The following MACF1 variants were observed in gnomAD, a reference collection of about 807,000 sequenced individuals.
The protein encoded by MACF1 is microtubule-actin cross-linking factor 1.
MACF1 carries 193 observed loss-of-function variants against 854.8 expected under a neutral mutation model. The observed-to-expected ratio is 0.23, with a 90% CI of 0.20 to 0.25. MACF1 has a LOEUF of 0.25. Ranked by LOEUF, MACF1 falls within the 10% of genes least tolerant of loss-of-function variation. The probability of loss-of-function intolerance (pLI) is 1.00; values close to 1 mark genes in which losing one functional copy is unlikely to be tolerated. For synonymous variants in MACF1, 3,185 were observed against 3,226.7 expected, an observed-to-expected ratio of 0.99 and a Z score of 0.44; for missense variants, 7,722 against 8,929.1, an observed-to-expected ratio of 0.86 and a Z score of 5.45.
At chr1:39,089,204 T>A (rs1641746298) in intron 2 of MACF1, among the ~76,000 whole-genome samples, 1 of 152,222 alleles carries the variant, frequency 6.6e-6, no homozygotes, top group Admixed American at 6.5e-5. Flanking sequence ...TCTCTATTTT[T>A]TTTTTAAGTA....
At chr1:39,319,532 T>G in intron 30 of MACF1, 132 bp from the exon 31 acceptor site, 1 of 595,910 alleles carries the variant, frequency 1.7e-6, no homozygotes, top group South Asian at 2.3e-5. Context: ...CAGCAGTATG[T>G]GTTTTAACCA....
chr1:39,325,314 A>G (rs767026648), intron 35 of MACF1, among the ~76,000 whole-genome samples: 6 of 152,192 alleles, frequency 3.9e-5, no homozygotes, highest in Non-Finnish European at 7.3e-5. Flanking sequence ...AAGTCAAGAA[A>G]AGTTGAGAAA....
At chr1:39,379,713 A>G (rs979120625) in intron 54 of MACF1, among the ~76,000 whole-genome samples, 2 of 152,246 alleles carry the variant, frequency 1.3e-5, no homozygotes, top group African/African-American at 4.8e-5. Context: ...TCGTTAGCTC[A>G]TTGAGAATGG....
intron 2 of MACF1, among the ~76,000 whole-genome samples, chr1:39,197,865 G>A (rs377262925): frequency 1.3e-5 from 2 of 152,098 alleles, no homozygotes; most frequent in South Asian, 2.1e-4. Flanking sequence ...TGGCCTGGGC[G>A]ACAGAGCGAG....
At chr1:39,240,417 C>T (rs969479718) in intron 2 of MACF1, among the ~76,000 whole-genome samples, 5 of 152,088 alleles carry the variant, frequency 3.3e-5, no homozygotes, top group Non-Finnish European at 7.4e-5. Context: ...TACATATGGG[C>T]CTATATTTGG....
chr1:39,403,076 T>C (rs1162530829), intron 58 of MACF1, among the ~76,000 whole-genome samples: 1 of 134,348 alleles, frequency 7.4e-6, no homozygotes, highest in Non-Finnish European at 1.6e-5. Flanking sequence ...TTTTTTTGTT[T>C]GGTTGTTTTG....
rs190007030 is a variant in MACF1, at chr1:39,127,340, C to T, written c.220+42902C>T. Among the ~76,000 whole-genome samples the T allele has an allele frequency of 4.6e-5, 7 of 152,274 alleles. No individual in the cohort carries two copies. In the East Asian group the frequency reaches 1.3e-3, roughly 29 times the overall value. On this transcript the variant is annotated intron_variant, in intron 2 of 93. Coordinates refer to the MACF1 transcript ENST00000361689. ...GCGTTGGTGGGAGTTCCTTCGTTTT[C>T]TGGGCTGAATGATTTAATAATAATA... is the stretch of plus-strand genomic sequence containing the variant.
chr1:39,284,108 T>G lies in MACF1; in HGVS notation c.958T>G (p.Ser320Ala). The G allele has an allele frequency of 6.2e-7, 1 of 1,614,038 alleles. No individual in the cohort carries two copies. Among genetic ancestry groups the G allele is most frequent in the Non-Finnish European group, 8.5e-7 (1 of 1,179,934 alleles). The part of the protein sequence containing the change: ...RWQEYQSRVD[S>A]LIPWIKQHTI... Reference sequence around the variant, plus strand: ...GCAAGAATACCAAAGCCGAGTGGACTCCCTCATTCCCTGGATCAAACAGCA... The same window carrying G: ...GCAAGAATACCAAAGCCGAGTGGACGCCCTCATTCCCTGGATCAAACAGCA... The change falls in exon 10 of 101, where the codon TCC (serine) becomes GCC (alanine). Residue 320 changes from serine to alanine, a missense_variant. This residue lies in a region of MACF1 where 97 missense variants were observed against 130.4 expected (regional missense o/e 0.74). Transcript: ENST00000564288.
At chr1:39,135,399 A>T (rs562193308) in intron 2 of MACF1, among the ~76,000 whole-genome samples, 1 of 152,194 alleles carries the variant, frequency 6.6e-6, no homozygotes, top group South Asian at 2.1e-4. Context: ...GGTGCATGCT[A>T]CCATGCCTGA....
At position 39,105,352 on chromosome 1, in the gene MACF1, G is replaced by T; in HGVS notation, c.220+20914G>T. On this transcript the variant is annotated intron_variant, in intron 2 of 93. Transcript: ENST00000361689. The surrounding 1 kb of genome is among the most constrained non-coding windows in gnomAD (Gnocchi z 5.9). The stretch of plus-strand genomic sequence containing the variant: ...CGCCGCCGCCCGCCGCTGCAGCCGC[G>T]CCGGGGCGGGCTGAGGGAGGAGCGG... 3.1e-6 allele frequency: 3 copies of T among 963,790 alleles called. No homozygotes were observed. The highest frequency in any genetic ancestry group is 3.7e-6 in the Non-Finnish European group (3 of 810,846). The allele number at this position is 963,790 out of a possible 1,614,324, so 59.7% of individuals were successfully genotyped here. A position where few individuals can be genotyped will look rare whatever the true frequency, so the allele number is the denominator to read the frequency against.
At chr1:39,123,984 G>T (rs148865984) in intron 2 of MACF1, among the ~76,000 whole-genome samples, 2 of 151,400 alleles carry the variant, frequency 1.3e-5, no homozygotes, top group African/African-American at 4.8e-5. Context: ...CTCATGATCC[G>T]CCTGCCTTGG....
At chr1:39,089,131 C>T (rs560735606) in intron 2 of MACF1, among the ~76,000 whole-genome samples, 8 of 152,130 alleles carry the variant, frequency 5.3e-5, no homozygotes, top group East Asian at 1.9e-4. Flanking sequence ...CTCAGCATTT[C>T]GGGAGGCCGA....
chr1:39,465,239 C>A, intron 95 of MACF1, 127 bp downstream of exon 95: 2 of 903,200 alleles, frequency 2.2e-6, no homozygotes, highest in Non-Finnish European at 3.7e-6. Context: ...GTTGTCTTAC[C>A]AAGTGGAGAA....
At chr1:39,123,712 G>GTTTTTTTT (rs1206815949) in intron 2 of MACF1, among the ~76,000 whole-genome samples, 1 of 77,486 alleles carries the variant, frequency 1.3e-5, no homozygotes, top group African/African-American at 5.0e-5. Flanking sequence ...GCTAATTCTT[G>GTTTTTTTT]TTTTGTTTTT....
At chr1:39,296,104 T>C (rs1482134493) in intron 20 of MACF1, among the ~76,000 whole-genome samples, 1 of 152,218 alleles carries the variant, frequency 6.6e-6, no homozygotes, top group Non-Finnish European at 1.5e-5. Context: ...TACTCATGGC[T>C]GCAGACAGGC....
intron 42 of MACF1, 28 bp downstream of exon 42, chr1:39,349,655 CAA>C: frequency 3.1e-6 from 5 of 1,610,240 alleles, no homozygotes; most frequent in Non-Finnish European, 4.2e-6. Flanking sequence ...AATTTTGACA[CAA>C]AGTCTCGCTC....
At chr1:39,150,715 A>G (rs531073433) in intron 2 of MACF1, among the ~76,000 whole-genome samples, 1 of 152,132 alleles carries the variant, frequency 6.6e-6, no homozygotes, top group East Asian at 1.9e-4. Flanking sequence ...CCAATGGTAA[A>G]TTTTCAGCTC....
At chr1:39,314,364 G>A (rs982888465) in intron 26 of MACF1, among the ~76,000 whole-genome samples, 2 of 151,800 alleles carry the variant, frequency 1.3e-5, no homozygotes, top group African/African-American at 4.8e-5. Flanking sequence ...AGCTGAGATC[G>A]TGCCATTGCA....
In MACF1 at chr1:39,357,901, G is replaced by T. The variant is rs781221796; in HGVS notation, c.11943+8G>T. 8.8e-6 allele frequency: 14 copies of T among 1,593,274 alleles called. No individual in the cohort carries two copies. The highest frequency in any genetic ancestry group is 1.2e-5 in the Non-Finnish European group (14 of 1,170,690). On this transcript the variant is annotated splice_region_variant and intron_variant, in intron 45 of 100. Transcript: ENST00000564288. ...ACTGCTCTCCACTCAAAGGTAAGGG[G>T]GCAGTTCCTGGCATCCTTGGTGAAA...
Sources: gnomAD v4.1 joint callset for allele counts (sites outside exome capture counted in the v4.1 genomes callset) on GRCh38, gnomAD v4.1.1 for gene constraint, gnomAD v4.1.1 regional missense constraint, Gnocchi (gnomAD v3.1) non-coding constraint, MANE v1.5 for transcripts, NCBI Gene and HGNC (gene_info 2026-07-23, HGNC 2026-07-21) for gene names.